ST3GAL6: variants seen among roughly 807,000 people sequenced by gnomAD.
ST3GAL6 encodes ST3 beta-galactoside alpha-2,3-sialyltransferase 6, also known as type 2 lactosamine alpha-2,3-sialyltransferase.
Under a neutral mutation model 40.5 loss-of-function variants are expected in ST3GAL6, and 31 were observed. The ratio of observed to expected loss-of-function variants is 0.77; its 90% CI spans 0.58 to 1.03. The LOEUF (loss-of-function observed/expected upper bound fraction) is 1.03, where lower values mean the gene tolerates loss of function less well. Ranked by LOEUF, ST3GAL6 falls within the 50% of genes least tolerant of loss-of-function variation. ST3GAL6 has a pLI of 0.00. For synonymous variants in ST3GAL6, 129 were observed against 136.9 expected, an observed-to-expected ratio of 0.94 and a Z score of 0.40; for missense variants, 357 against 393.2, an observed-to-expected ratio of 0.91 and a Z score of 0.78.
intron 1 of ST3GAL6, among the ~76,000 whole-genome samples, chr3:98,753,662 C>T (rs767768945): frequency 1.3e-5 from 2 of 152,170 alleles, no homozygotes; most frequent in East Asian, 3.9e-4. Context: ...ATCCTACAAC[C>T]CTTACAAATT....
chr3:98,781,552 CTT>C, intron 5 of ST3GAL6, among the ~76,000 whole-genome samples: 1 of 151,746 alleles, frequency 6.6e-6, no homozygotes, highest in East Asian at 1.9e-4. Flanking sequence ...GTTCAGGAGT[CTT>C]TTGTAGAGGA....
At chr3:98,752,358 T>C (rs1434161553) in intron 1 of ST3GAL6, among the ~76,000 whole-genome samples, 1 of 152,192 alleles carries the variant, frequency 6.6e-6, no homozygotes, top group Non-Finnish European at 1.5e-5. Context: ...GTGTTACATC[T>C]TGGTAATCTT....
At chr3:98,752,124 A>C (rs1359569547) in intron 1 of ST3GAL6, among the ~76,000 whole-genome samples, 1 of 152,256 alleles carries the variant, frequency 6.6e-6, no homozygotes, top group African/African-American at 2.4e-5. Flanking sequence ...TTAGATTAAC[A>C]GGAGAAAAGC....
chr3:98,755,281 C>T (rs1458902848), intron 1 of ST3GAL6, among the ~76,000 whole-genome samples: 4 of 152,068 alleles, frequency 2.6e-5, no homozygotes, highest in East Asian at 3.9e-4. Flanking sequence ...CTCCTGACCT[C>T]GTGATCCACC....
chr3:98,782,839 C>T (rs940262881), intron 5 of ST3GAL6: 1 of 491,280 alleles, frequency 2.0e-6, no homozygotes, highest in African/African-American at 2.0e-5. Context: ...AACAGTCTAC[C>T]TCTTTCCTGA....
At chr3:98,741,237 G>A (rs1457741331) in intron 1 of ST3GAL6, among the ~76,000 whole-genome samples, 1 of 150,694 alleles carries the variant, frequency 6.6e-6, no homozygotes, top group African/African-American at 2.4e-5. Context: ...TTTTTTTTAT[G>A]GTTCAAAACA....
rs369996406 is a variant in ST3GAL6 at position 98,766,405 on chromosome 3, C to CT, written c.-11-1993dup. On this transcript the variant is annotated intron_variant, in intron 1 of 9. Coordinates refer to ENST00000483910, the MANE Select transcript of ST3GAL6 (RefSeq NM_001323368.2). ...GTTGGATCTTTGCATAAATGTCATT[C>CT]TTTTTTTTTTTTTTTTTTTTTTTTT... 7.5e-3 allele frequency among the ~76,000 whole-genome samples: 778 copies of CT among 103,826 alleles called. 99 individuals carry two copies. Among genetic ancestry groups the CT allele is most frequent in the East Asian group, 0.023 (77 of 3,342 alleles). The allele number at this position is 103,826 out of a possible 152,430, so 68.1% of individuals were successfully genotyped here.
At chr3:98,767,809 T>C (rs1269693679) in intron 1 of ST3GAL6, among the ~76,000 whole-genome samples, 4 of 152,182 alleles carry the variant, frequency 2.6e-5, no homozygotes, top group Non-Finnish European at 5.9e-5. Context: ...TATTGTCAAT[T>C]TAATACAAAA....
At chr3:98,736,384 T>C (rs1935547837) in intron 1 of ST3GAL6, among the ~76,000 whole-genome samples, 3 of 152,176 alleles carry the variant, frequency 2.0e-5, no homozygotes, top group African/African-American at 7.2e-5. Context: ...GATTTACTTT[T>C]TATTTGGTTG....
At chr3:98,752,425 A>G (rs1204039186) in intron 1 of ST3GAL6, among the ~76,000 whole-genome samples, 2 of 151,538 alleles carry the variant, frequency 1.3e-5, no homozygotes, top group Non-Finnish European at 2.9e-5. Context: ...ATGATCACTG[A>G]TCTTTTTATA....
intron 5 of ST3GAL6, chr3:98,782,923 CTCAGT>C (rs1940295646): frequency 5.9e-5 from 13 of 218,490 alleles, no homozygotes; most frequent in African/African-American, 1.9e-4. Context: ...TGTTACTCAG[CTCAGT>C]CTATTACTCA....
Position 98,794,047 on chromosome 3 carries a change from G to T in ST3GAL6, c.*286G>T. 1 of 208,032 alleles carries T rather than the reference G, an allele frequency of 4.8e-6. No individual in the cohort carries two copies. Among genetic ancestry groups the T allele is most frequent in the Non-Finnish European group, 9.6e-6 (1 of 104,246 alleles). The allele number at this position is 208,032 out of a possible 1,614,324, so 12.9% of individuals were successfully genotyped here. The stretch of plus-strand genomic sequence containing the variant: ...GTCTTTTTATAGTTACTTCATCTTA[G>T]ATTTTTGAAGGGATATGACTTCCTA... On this transcript the variant is annotated 3_prime_UTR_variant, in exon 10 of 10. Transcript: ENST00000483910.
intron 1 of ST3GAL6, among the ~76,000 whole-genome samples, chr3:98,764,350 G>T (rs367715800): frequency 6.6e-6 from 1 of 152,046 alleles, no homozygotes; most frequent in African/African-American, 2.4e-5. Flanking sequence ...GTGTTTCTCC[G>T]TAGAGTTTGT....
At chr3:98,751,804 G>A (rs1169919698) in intron 1 of ST3GAL6, among the ~76,000 whole-genome samples, 1 of 152,122 alleles carries the variant, frequency 6.6e-6, no homozygotes, top group Non-Finnish European at 1.5e-5. Flanking sequence ...TTTACTATAA[G>A]GTGTTACATA....
At chr3:98,734,823 G>A (rs1380403349) in intron 1 of ST3GAL6, among the ~76,000 whole-genome samples, 3 of 152,140 alleles carry the variant, frequency 2.0e-5, no homozygotes, top group African/African-American at 7.2e-5. Flanking sequence ...AGTGGCAGAC[G>A]ACTGGATTTC....
chr3:98,747,195 C>T (rs1559724734), intron 1 of ST3GAL6, among the ~76,000 whole-genome samples: 1 of 152,166 alleles, frequency 6.6e-6, no homozygotes, highest in Non-Finnish European at 1.5e-5. Context: ...ATTTTTTCAG[C>T]CCCGTCAGTA....
chr3:98,733,004 C>T (rs1317187320), intron 1 of ST3GAL6: 1 of 1,468,290 alleles, frequency 6.8e-7, no homozygotes, highest in East Asian at 2.7e-5. Flanking sequence ...CGGGTTTGCA[C>T]TGCCCGGGTG....
intron 1 of ST3GAL6, chr3:98,732,762 C>CT (rs1370288987): frequency 5.9e-5 from 73 of 1,227,310 alleles, no homozygotes; most frequent in Non-Finnish European, 7.6e-5. Flanking sequence ...GCTCCCTCCT[C>CT]TGCTCCCCCG....
At chr3:98,791,037 T>C (rs1941163832) in intron 8 of ST3GAL6, among the ~76,000 whole-genome samples, 1 of 152,144 alleles carries the variant, frequency 6.6e-6, no homozygotes, top group Non-Finnish European at 1.5e-5. Flanking sequence ...GTAATTTCAA[T>C]GGGAACTATA....
Sources: gnomAD v4.1 joint callset for allele counts (sites outside exome capture counted in the v4.1 genomes callset) on GRCh38, gnomAD v4.1.1 for gene constraint, MANE v1.5 for transcripts, NCBI Gene and HGNC (gene_info 2026-07-23, HGNC 2026-07-21) for gene names.